TET2: variants seen among roughly 807,000 people sequenced by gnomAD.
TET2 encodes methylcytosine dioxygenase TET2.
A neutral mutation model predicts 142.9 loss-of-function variants in TET2; 299 were observed. The ratio of observed to expected loss-of-function variants is 2.09; its 90% CI spans 1.90 to 2.30. The LOEUF is 2.30. Among genes scored for constraint, TET2 ranks in the 30% most tolerant of loss-of-function variants. The pLI is 0.00. For missense variants in TET2, 2,418 were observed against 2,378.0 expected, an observed-to-expected ratio of 1.02 and a Z score of -0.35; for synonymous variants, 819 against 849.0, an observed-to-expected ratio of 0.96 and a Z score of 0.61.
In TET2 at chr4:105,234,881, C is replaced by G; in HGVS notation, c.939C>G (p.Thr313=). ...NASKLAAMLN[T]CSFQKPEQLQ... ...GTAAACTAGCTGCAATGCTAAATACCTGTTCCTTTCAGAAACCAGAACAAC... is the reference window on the plus strand; with the variant it reads ...GTAAACTAGCTGCAATGCTAAATACGTGTTCCTTTCAGAAACCAGAACAAC... The change falls in exon 3 of 11, where the codon ACC becomes ACG. Residue 313 remains threonine, a synonymous_variant. Transcript: ENST00000380013. The G allele has an allele frequency of 1.9e-6, 3 of 1,614,116 alleles. No individual in the cohort carries two copies. The highest frequency in any genetic ancestry group is 2.5e-6 in the Non-Finnish European group (3 of 1,180,020).
chr4:105,245,535 G>T (rs747922897), intron 6 of TET2, among the ~76,000 whole-genome samples: 1 of 152,066 alleles, frequency 6.6e-6, no homozygotes, highest in Non-Finnish European at 1.5e-5. Context: ...TCTCCATGTT[G>T]ATCAGGCTGG....
chr4:105,182,392 A>G (rs1725171067), intron 1 of TET2, among the ~76,000 whole-genome samples: 1 of 152,250 alleles, frequency 6.6e-6, no homozygotes, highest in Non-Finnish European at 1.5e-5. Context: ...ATCCTCCTCC[A>G]GCACTATGTC....
In TET2 at chr4:105,272,557, C is replaced by G; in HGVS notation, c.4183-7C>G. The G allele has an allele frequency of 6.7e-7, 1 of 1,495,216 alleles. No homozygotes were observed. The highest frequency in any genetic ancestry group is 8.9e-7 in the Non-Finnish European group (1 of 1,121,052). The allele number at this position is 1,495,216 out of a possible 1,614,324, so 92.6% of individuals were successfully genotyped here. ...GTTGAGGCTGTAATGTCTTACTTCC[C>G]TACCAGGTATGCACTCTCACTAGAG... On this transcript the variant is annotated splice_region_variant and splice_polypyrimidine_tract_variant and intron_variant, in intron 9 of 10. Coordinates refer to ENST00000380013, the MANE Select transcript of TET2 (RefSeq NM_001127208.3).
chr4:105,277,246 T>C lies in TET2; in HGVS notation c.*727T>C, dbSNP rs1051431797. ...CATTCAAGTTTTTATCATAATTACCTATTCTTACACAAGCTTAGTTTTTAA... is the reference window on the plus strand; with the variant it reads ...CATTCAAGTTTTTATCATAATTACCCATTCTTACACAAGCTTAGTTTTTAA... On this transcript the variant is annotated 3_prime_UTR_variant, in exon 11 of 11. Coordinates refer to ENST00000380013, the MANE Select transcript of TET2 (RefSeq NM_001127208.3). 5.7e-5 allele frequency: 13 copies of C among 227,302 alleles called. No homozygotes were observed. The highest frequency in any genetic ancestry group is 2.9e-4 in the African/African-American group (13 of 45,050). 14.1% of individuals were successfully genotyped at this position (227,302 alleles called of 1,614,324 possible).
At chr4:105,183,420 T>C (rs1725238045) in intron 1 of TET2, among the ~76,000 whole-genome samples, 1 of 152,148 alleles carries the variant, frequency 6.6e-6, no homozygotes, top group Non-Finnish European at 1.5e-5. Context: ...TTTTTATACC[T>C]ATTCATTTCA....
In TET2 at chr4:105,234,355, A is replaced by T. The variant is rs138203452; in HGVS notation, c.413A>T (p.Gln138Leu). The change falls in exon 3 of 11, where the codon CAA (glutamine) becomes CTA (leucine). Residue 138 changes from glutamine (Q) to leucine (L), a missense_variant. Coordinates refer to ENST00000380013, the MANE Select transcript of TET2 (RefSeq NM_001127208.3). ...SQERNPGESSQPNVSDLSDKK... is the reference protein window; with the variant it reads ...SQERNPGESSLPNVSDLSDKK... Reference sequence around the variant, plus strand: ...GAAAGAAATCCAGGTGAAAGCAGTCAACCAAATGTCTCCGATTTGAGTGAT... The same window carrying T: ...GAAAGAAATCCAGGTGAAAGCAGTCTACCAAATGTCTCCGATTTGAGTGAT... 8.6e-5 allele frequency: 139 copies of T among 1,613,988 alleles called. 1 individual carries two copies. Among genetic ancestry groups the T allele is most frequent in the Non-Finnish European group, 1.1e-4 (131 of 1,180,020 alleles).
rs1728691268 is a variant in TET2 at position 105,234,251 on chromosome 4, C to G, written c.309C>G (p.Leu103=). Residue 103 remains leucine (L), a synonymous_variant, in exon 3 of 11, where the codon CTC becomes CTG. Coordinates refer to ENST00000380013, the MANE Select transcript of TET2 (RefSeq NM_001127208.3). ...GIKRTVSEPS[L]SGLLQIKKLK... is the part of the protein sequence containing the mutation. Reference sequence around the variant, plus strand: ...AACGCACAGTTAGTGAACCTTCTCTCTCTGGGCTCCTTCAGATCAAGAAAT... The same window carrying G: ...AACGCACAGTTAGTGAACCTTCTCTGTCTGGGCTCCTTCAGATCAAGAAAT... 5.0e-6 allele frequency: 8 copies of G among 1,614,010 alleles called. No homozygotes were observed. Among genetic ancestry groups the G allele is most frequent in the African/African-American group, 1.3e-5 (1 of 74,926 alleles).
chr4:105,201,138 T>G (rs1010644991), intron 2 of TET2, among the ~76,000 whole-genome samples: 1 of 152,206 alleles, frequency 6.6e-6, no homozygotes, highest in African/African-American at 2.4e-5. Flanking sequence ...GACTGAGAAT[T>G]CCCTTTAATT....
At chr4:105,214,140 C>G (rs1289458021) in intron 2 of TET2, among the ~76,000 whole-genome samples, 1 of 151,930 alleles carries the variant, frequency 6.6e-6, no homozygotes, top group African/African-American at 2.4e-5. Context: ...TTGCCATTGT[C>G]ATGTTACGAT....
chr4:105,150,502 G>A (rs1407548741), intron 1 of TET2, among the ~76,000 whole-genome samples: 1 of 152,152 alleles, frequency 6.6e-6, no homozygotes, highest in African/African-American at 2.4e-5. Flanking sequence ...TTGTTCATCA[G>A]AATAACACTT....
rs747188735 is a variant in TET2 at position 105,233,974 on chromosome 4, G to T, written c.32G>T (p.Gly11Val). The part of the protein sequence containing the change: MEQDRTNHVE[G>V]NRLSPFLIPS... The stretch of plus-strand genomic sequence containing the variant: ...CAGGATAGAACCAACCATGTTGAGG[G>T]CAACAGACTAAGTCCATTCCTGATA... Residue 11 changes from glycine (G) to valine (V), a missense_variant, in exon 3 of 11, where the codon GGC (glycine) becomes GTC (valine). Coordinates refer to ENST00000380013, the MANE Select transcript of TET2 (RefSeq NM_001127208.3). 1 of 1,613,894 alleles carries T rather than the reference G, an allele frequency of 6.2e-7. No homozygotes were observed.
chr4:105,266,716 G>GA (rs769708702), intron 8 of TET2, among the ~76,000 whole-genome samples: 5 of 151,532 alleles, frequency 3.3e-5, no homozygotes, highest in African/African-American at 4.8e-5. Flanking sequence ...TCAGTATAAA[G>GA]AAAAAACTGA....
At chr4:105,271,472 G>A (rs879353358) in intron 9 of TET2, among the ~76,000 whole-genome samples, 1 of 152,160 alleles carries the variant, frequency 6.6e-6, no homozygotes, top group Non-Finnish European at 1.5e-5. Context: ...ATAGAGCATG[G>A]GTTCTGTGAA....
intron 6 of TET2, among the ~76,000 whole-genome samples, chr4:105,256,507 A>C (rs915368827): frequency 6.6e-6 from 1 of 152,238 alleles, no homozygotes; most frequent in African/African-American, 2.4e-5. Flanking sequence ...CATGATAATC[A>C]TACAGTTTTC....
intron 2 of TET2, among the ~76,000 whole-genome samples, chr4:105,215,334 C>G (rs1480724613): frequency 6.6e-6 from 1 of 152,088 alleles, no homozygotes; most frequent in Non-Finnish European, 1.5e-5. Context: ...CAGTGTCTCT[C>G]TGTAATAACA....
Position 105,234,608 on chromosome 4 carries a change from T to C in TET2, c.666T>C (p.His222=), listed in dbSNP as rs1728719570. ...TVSASSVEHT[H]GELLEKTLSQ... is the part of the protein sequence containing the mutation. ...CTGCCTCTTCCGTGGAACACACACA[T>C]GGTGAACTCCTGGAAAAAACACTGT... Residue 222 remains histidine, a synonymous_variant, in exon 3 of 11, where the codon CAT becomes CAC. Coordinates refer to ENST00000380013, the MANE Select transcript of TET2 (RefSeq NM_001127208.3). 5 of 1,614,018 alleles carry C rather than the reference T, an allele frequency of 3.1e-6. No individual in the cohort carries two copies. The highest frequency in any genetic ancestry group is 4.2e-6 in the Non-Finnish European group (5 of 1,180,010).
intron 3 of TET2, 124 bp from the exon 4 acceptor site, chr4:105,241,213 GAA>G: frequency 1.5e-6 from 2 of 1,335,478 alleles, no homozygotes; most frequent in Non-Finnish European, 1.9e-6. Flanking sequence ...TCATTTTAAA[GAA>G]AAAAAAATTT....
chr4:105,160,715 C>A (rs75957614), intron 1 of TET2, among the ~76,000 whole-genome samples: 3,130 of 152,210 alleles, frequency 0.021, 107 homozygotes, highest in African/African-American at 0.071. Flanking sequence ...AATAAAGGAT[C>A]TTTTCCCAAG....
chr4:105,250,175 A>G (rs758650645), intron 6 of TET2, among the ~76,000 whole-genome samples: 2 of 152,040 alleles, frequency 1.3e-5, no homozygotes, highest in Non-Finnish European at 2.9e-5. Flanking sequence ...TAACTGACCA[A>G]GATGTATGGG....
Sources: gnomAD v4.1 joint callset for allele counts (sites outside exome capture counted in the v4.1 genomes callset) on GRCh38, gnomAD v4.1.1 for gene constraint, MANE v1.5 for transcripts, NCBI Gene and HGNC (gene_info 2026-07-23, HGNC 2026-07-21) for gene names.